The following COL6A5 variants were observed in gnomAD, a reference collection of about 807,000 sequenced individuals.
COL6A5 encodes collagen type VI alpha 5 chain.
In COL6A5, 48 loss-of-function variants were observed where a neutral mutation model predicts 65.6. The observed-to-expected ratio is 0.73, with a 90% CI of 0.58 to 0.93. The LOEUF (loss-of-function observed/expected upper bound fraction) is 0.93. COL6A5 is among the 40% of genes least tolerant of loss of function. COL6A5 has a pLI of 0.00. For missense variants in COL6A5, 914 were observed against 928.3 expected (o/e 0.98, Z 0.20); for synonymous variants, 291 against 322.8 (o/e 0.90, Z 1.05).
chr3:130,468,336 T>A (rs1709865061), intron 5 of COL6A5, among the ~76,000 whole-genome samples: 1 of 152,024 alleles, frequency 6.6e-6, no homozygotes, highest in African/African-American at 2.4e-5. Context: ...GGTGCATACT[T>A]TGAACACATA....
At chr3:130,431,884 A>G in exon 1 of COL6A5, 1 of 1,551,628 alleles carries the variant, frequency 6.4e-7, no homozygotes, top group East Asian at 2.4e-5. Flanking sequence ...CATGGAGTTT[A>G]GTGCCCTGGA....
exon 3 of COL6A5, chr3:130,440,629 A>G (rs1351013869): frequency 1.9e-6 from 3 of 1,613,328 alleles, no homozygotes; most frequent in Non-Finnish European, 1.7e-6. Context: ...AAGAATTTGT[A>G]AAAATGATGG....
intron 7 of COL6A5, among the ~76,000 whole-genome samples, chr3:130,478,069 T>C (rs1032590): frequency 0.012 from 1,821 of 152,204 alleles, 38 homozygotes; most frequent in African/African-American, 0.041. Flanking sequence ...TCATGTGATC[T>C]TGGGCATGTC....
Position 130,422,730 on chromosome 3 carries a change from G to A in COL6A5, c.5048G>A (p.Gly1683Asp). 2.0e-6 allele frequency: 3 copies of A among 1,529,750 alleles called. No homozygotes were observed. The South Asian group carries it at 3.7e-5, about 19-fold the overall frequency. 94.8% of individuals were successfully genotyped at this position (1,529,750 alleles called of 1,614,324 possible). The change falls in exon 28 of 42, where the codon GGT becomes GAT. Residue 1683 changes from glycine to aspartate, a missense_variant and NMD_transcript_variant. By Grantham distance (94) the Gly-to-Asp change is moderately conservative (BLOSUM62 -1). Transcript: ENST00000312481. ...TATCTGAATCTTCAGGGTGATATTG[G>A]TAATCCTGGAATTCCTGGGGGACCT...
chr3:130,363,492 T>A (rs2107623968), intron 1 of COL6A5, among the ~76,000 whole-genome samples: 1 of 152,250 alleles, frequency 6.6e-6, no homozygotes, highest in South Asian at 2.1e-4. Context: ...CAGGATGGTG[T>A]AATGGGGACT....
chr3:130,399,023 A>C (rs1052687436), intron 10 of COL6A5, among the ~76,000 whole-genome samples: 3 of 152,220 alleles, frequency 2.0e-5, no homozygotes, highest in Non-Finnish European at 2.9e-5. Flanking sequence ...ACTTCTCGCT[A>C]TATATTTTCT....
intron 2 of COL6A5, among the ~76,000 whole-genome samples, chr3:130,375,444 T>C (rs1244811836): frequency 6.6e-6 from 1 of 152,106 alleles, no homozygotes; most frequent in Admixed American, 6.5e-5. Flanking sequence ...CCTTCTCTGC[T>C]TGTTCCCTGT....
intron 1 of COL6A5, among the ~76,000 whole-genome samples, chr3:130,349,485 G>C (rs1202082744): frequency 6.6e-6 from 1 of 152,136 alleles, no homozygotes; most frequent in Admixed American, 6.5e-5. Context: ...TATGCTAGTA[G>C]TTATGATTAT....
intron 1 of COL6A5, among the ~76,000 whole-genome samples, chr3:130,362,171 C>A (rs1210457551): frequency 6.6e-6 from 1 of 150,468 alleles, no homozygotes; most frequent in Non-Finnish European, 1.5e-5. Context: ...ATGTTATATT[C>A]TAGGAGCTTA....
At chr3:130,399,370 C>CTTTTTTTTTT (rs34407199) in intron 10 of COL6A5, among the ~76,000 whole-genome samples, 1 of 130,462 alleles carries the variant, frequency 7.7e-6, no homozygotes. Flanking sequence ...TCATTTCTTT[C>CTTTTTTTTTT]TTTTTTTTTT....
rs957782597 is a variant in COL6A5, at chr3:130,474,668, C to T, written c.2328+3701C>T. Among the ~76,000 whole-genome samples the T allele has an allele frequency of 4.6e-5, 7 of 152,088 alleles. No homozygotes were observed. The East Asian group carries it at 1.4e-3, about 29-fold the overall frequency. ...AAATACAATATCTAAAATTTTAAAACATTCACTGGATGAGCTTAATAGCAG... is the reference window on the plus strand; with the variant it reads ...AAATACAATATCTAAAATTTTAAAATATTCACTGGATGAGCTTAATAGCAG... On this transcript the variant is annotated intron_variant, in intron 7 of 7. Transcript: ENST00000512836.
At chr3:130,373,963 A>G (rs112567054) in intron 2 of COL6A5, among the ~76,000 whole-genome samples, 77 of 152,300 alleles carry the variant, frequency 5.1e-4, no homozygotes, top group African/African-American at 9.1e-4. Context: ...ACATGTCTCC[A>G]TGGATTGAGT....
chr3:130,418,811 G>A lies in COL6A5; in HGVS notation c.4888-58G>A, dbSNP rs532814529. 55 of 1,375,904 alleles carry A rather than the reference G, an allele frequency of 4.0e-5. No individual in the cohort carries two copies. In the East Asian group the frequency reaches 1.0e-3, roughly 26 times the overall value. 85.2% of individuals were successfully genotyped at this position (1,375,904 alleles called of 1,614,324 possible). A position where few individuals can be genotyped will look rare whatever the true frequency, so the allele number is the denominator to read the frequency against. On this transcript the variant is annotated intron_variant and NMD_transcript_variant, in intron 24 of 41. Coordinates refer to the COL6A5 transcript ENST00000312481. ...CCTCATCGAGTGGACAGAACTTACC[G>A]TGGTAGGAACCAGGTTTGATTTTAC...
intron 8 of COL6A5, among the ~76,000 whole-genome samples, chr3:130,395,903 GTGTA>G (rs974232196): frequency 1.3e-5 from 2 of 152,110 alleles, no homozygotes; most frequent in East Asian, 3.9e-4. Context: ...GTGTGTGTGT[GTGTA>G]TGTGTGTGTG....
chr3:130,450,697 G>A (rs899569966), intron 4 of COL6A5, among the ~76,000 whole-genome samples: 2 of 152,156 alleles, frequency 1.3e-5, no homozygotes, highest in Non-Finnish European at 2.9e-5. Flanking sequence ...TTTCAACAGC[G>A]TCTTGTAATT....
intron 5 of COL6A5, among the ~76,000 whole-genome samples, chr3:130,457,066 A>AT (rs1340989284): frequency 2.2e-5 from 1 of 45,308 alleles, no homozygotes; most frequent in Non-Finnish European, 1.1e-4. Context: ...TTTAGTTAAA[A>AT]CTTTTTTTAT....
exon 6 of COL6A5, chr3:130,388,665 C>A: frequency 6.4e-7 from 1 of 1,551,022 alleles, no homozygotes; most frequent in South Asian, 1.2e-5. Context: ...AAATGAAAAT[C>A]TTCATGAAAA....
chr3:130,352,166 G>A (rs1934744804), intron 1 of COL6A5, among the ~76,000 whole-genome samples: 1 of 152,120 alleles, frequency 6.6e-6, no homozygotes, highest in Non-Finnish European at 1.5e-5. Context: ...AGCAGGTGTG[G>A]GGCTGGGGGA....
At chr3:130,350,194 A>G (rs888953433) in intron 1 of COL6A5, among the ~76,000 whole-genome samples, 2 of 152,192 alleles carry the variant, frequency 1.3e-5, no homozygotes, top group South Asian at 2.1e-4. Flanking sequence ...AGAATGTTGG[A>G]TAGGCAACTA....
Sources: gnomAD v4.1 joint callset for allele counts (sites outside exome capture counted in the v4.1 genomes callset) on GRCh38, gnomAD v4.1.1 for gene constraint, MANE v1.5 for transcripts, NCBI Gene and HGNC (gene_info 2026-07-23, HGNC 2026-07-21) for gene names.